The following CACNA2D3 variants were observed in gnomAD, a reference collection of about 807,000 sequenced individuals.
CACNA2D3 encodes calcium voltage-gated channel auxiliary subunit alpha2delta 3.
CACNA2D3 carries 60 observed loss-of-function variants against 160.6 expected under a neutral mutation model. The ratio of observed to expected loss-of-function variants is 0.37; its 90% CI spans 0.30 to 0.46. The LOEUF is 0.46. Ranked by LOEUF, CACNA2D3 falls within the 20% of genes least tolerant of loss-of-function variation. The pLI is 1.00. For synonymous variants in CACNA2D3, 558 were observed against 492.9 expected (o/e 1.13, Z -1.75); for missense variants, 1,205 against 1,365.0 (o/e 0.88, Z 1.85).
At position 54,792,342 on chromosome 3, in the gene CACNA2D3, A is replaced by C. The variant is rs145696103; in HGVS notation, c.1381-24511A>C. 4.8e-4 allele frequency among the ~76,000 whole-genome samples: 73 copies of C among 152,346 alleles called. No individual in the cohort carries two copies. In the East Asian group the frequency reaches 8.9e-3, roughly 19 times the overall value. On this transcript the variant is annotated intron_variant, in intron 13 of 37. Transcript: ENST00000474759. ...AGAATTTTGGGACTCCATAGAGCAG[A>C]GTTCATGAACCACTGGAATAGATAA...
chr3:54,736,105 A>ATATG (rs1553814462), intron 11 of CACNA2D3, among the ~76,000 whole-genome samples: 8 of 25,972 alleles, frequency 3.1e-4, no homozygotes, highest in African/African-American at 9.8e-4. Context: ...ATATACATAT[A>ATATG]TATGTATATA....
intron 35 of CACNA2D3, among the ~76,000 whole-genome samples, chr3:55,020,516 T>G (rs1703423091): frequency 6.6e-6 from 1 of 151,372 alleles, no homozygotes; most frequent in Admixed American, 6.6e-5. Flanking sequence ...GTAGAATGTC[T>G]AATGTGAAAA....
At chr3:54,760,794 G>A (rs1239812186) in intron 12 of CACNA2D3, among the ~76,000 whole-genome samples, 7 of 152,086 alleles carry the variant, frequency 4.6e-5, no homozygotes, top group African/African-American at 9.7e-5. Context: ...TGGCCTCTCT[G>A]GGAAGTGGTG....
chr3:54,729,671 A>G (rs554711724), intron 11 of CACNA2D3, among the ~76,000 whole-genome samples: 1 of 152,252 alleles, frequency 6.6e-6, no homozygotes, highest in African/African-American at 2.4e-5. Context: ...AGTTCTCTGA[A>G]TGCTAATTGT....
intron 27 of CACNA2D3, among the ~76,000 whole-genome samples, chr3:54,908,041 C>A (rs74883401): frequency 0.088 from 13,437 of 152,090 alleles, 708 homozygotes; most frequent in Non-Finnish European, 0.12. Context: ...TTTGTGCAGA[C>A]CTATGTTTTT....
intron 9 of CACNA2D3, among the ~76,000 whole-genome samples, chr3:54,587,806 A>G (rs776608199): frequency 3.3e-5 from 5 of 152,226 alleles, no homozygotes; most frequent in Non-Finnish European, 7.3e-5. Context: ...CTATTAAAGG[A>G]ATTGAGTTGA....
chr3:54,681,593 A>C (rs1700352803), intron 11 of CACNA2D3, among the ~76,000 whole-genome samples: 1 of 151,840 alleles, frequency 6.6e-6, no homozygotes, highest in Non-Finnish European at 1.5e-5. Flanking sequence ...AATATTAAAC[A>C]GAGGTGGACA....
At chr3:54,639,035 G>A (rs927343061) in intron 10 of CACNA2D3, 1 of 152,162 alleles carries the variant, frequency 6.6e-6, no homozygotes, top group Non-Finnish European at 1.5e-5. Context: ...CAGAAAAGCA[G>A]AGAAAGGGTT....
At chr3:54,189,428 G>T (rs562453755) in intron 2 of CACNA2D3, among the ~76,000 whole-genome samples, 1 of 152,148 alleles carries the variant, frequency 6.6e-6, no homozygotes, top group Non-Finnish European at 1.5e-5. Flanking sequence ...GGCCAAAGTC[G>T]AGCACAAAGG....
At chr3:54,507,415 C>A (rs1701388428) in intron 5 of CACNA2D3, among the ~76,000 whole-genome samples, 1 of 152,158 alleles carries the variant, frequency 6.6e-6, no homozygotes, top group Non-Finnish European at 1.5e-5. Flanking sequence ...GCAGTCTTTC[C>A]TTCTCTACTT....
At chr3:54,255,777 C>G (rs373491460) in intron 2 of CACNA2D3, among the ~76,000 whole-genome samples, 1 of 152,290 alleles carries the variant, frequency 6.6e-6, no homozygotes, top group East Asian at 1.9e-4. Context: ...AGAGCCTCTT[C>G]TTTACCTCTA....
chr3:54,933,195 T>G (rs1701246600), intron 27 of CACNA2D3, among the ~76,000 whole-genome samples: 1 of 152,152 alleles, frequency 6.6e-6, no homozygotes, highest in South Asian at 2.1e-4. Context: ...GGAATATATT[T>G]TAAAATGACA....
rs569234425 is a variant in CACNA2D3, at chr3:54,930,226, C to T, written c.2449+30358C>T. Among the ~76,000 whole-genome samples the T allele has an allele frequency of 3.9e-5, 6 of 152,278 alleles. No individual in the cohort carries two copies. In the South Asian group the frequency reaches 1.2e-3, roughly 32 times the overall value. On this transcript the variant is annotated intron_variant, in intron 27 of 37. Transcript: ENST00000474759. ...TCTGGCAACTGCTCTCACTAGTCCA[C>T]CACCCCACCTGTCACCCACCCTCAA...
At chr3:54,640,717 T>C (rs1487628042) in intron 10 of CACNA2D3, among the ~76,000 whole-genome samples, 2 of 152,218 alleles carry the variant, frequency 1.3e-5, no homozygotes, top group Admixed American at 6.5e-5. Context: ...AAGAAAATAC[T>C]TGGGCTTCTC....
At chr3:54,758,193 G>A (rs144787702) in intron 12 of CACNA2D3, among the ~76,000 whole-genome samples, 13 of 152,330 alleles carry the variant, frequency 8.5e-5, no homozygotes, top group African/African-American at 2.9e-4. Flanking sequence ...ACAGCAAGGT[G>A]TGATGGGTGT....
intron 4 of CACNA2D3, among the ~76,000 whole-genome samples, chr3:54,393,808 G>T (rs1305091418): frequency 1.3e-5 from 2 of 152,214 alleles, no homozygotes; most frequent in Non-Finnish European, 2.9e-5. Flanking sequence ...GGGACACCTT[G>T]CCCTACTGGC....
chr3:54,955,401 G>A (rs1288370528), intron 27 of CACNA2D3, among the ~76,000 whole-genome samples: 1 of 152,000 alleles, frequency 6.6e-6, no homozygotes, highest in Non-Finnish European at 1.5e-5. Flanking sequence ...ATCTTTCCTG[G>A]TTATTTGATG....
At chr3:54,441,586 C>T (rs1161404057) in intron 4 of CACNA2D3, among the ~76,000 whole-genome samples, 1 of 152,082 alleles carries the variant, frequency 6.6e-6, no homozygotes, top group Non-Finnish European at 1.5e-5. Flanking sequence ...AATGGTATTG[C>T]CTAGGTTTTC....
chr3:54,742,804 T>C (rs1440810082), intron 11 of CACNA2D3, among the ~76,000 whole-genome samples: 1 of 152,222 alleles, frequency 6.6e-6, no homozygotes, highest in Non-Finnish European at 1.5e-5. Context: ...AGAAGAAATA[T>C]TATAATACTG....
Sources: gnomAD v4.1 joint callset for allele counts (sites outside exome capture counted in the v4.1 genomes callset) on GRCh38, gnomAD v4.1.1 for gene constraint, MANE v1.5 for transcripts, NCBI Gene and HGNC (gene_info 2026-07-23, HGNC 2026-07-21) for gene names.